NFU1: variants seen among roughly 807,000 people sequenced by gnomAD.
NFU1 encodes NFU1 iron-sulfur cluster scaffold, also known as NFU1 iron-sulfur cluster scaffold homolog, mitochondrial.
In NFU1, 30 loss-of-function variants were observed where a neutral mutation model predicts 32.2. The ratio of observed to expected loss-of-function variants is 0.93; its 90% CI spans 0.70 to 1.26. The LOEUF is 1.26. Ranked by LOEUF, NFU1 falls within the 50% of genes most tolerant of loss-of-function variation. The pLI is 0.00. For missense variants in NFU1, 306 were observed against 306.6 expected, an observed-to-expected ratio of 1.00 and a Z score of 0.02; for synonymous variants, 112 against 104.6, an observed-to-expected ratio of 1.07 and a Z score of -0.43.
chr2:69,406,902 T>C (rs979650969), intron 5 of NFU1, among the ~76,000 whole-genome samples: 1 of 152,186 alleles, frequency 6.6e-6, no homozygotes, highest in East Asian at 1.9e-4. Flanking sequence ...ACCCTCATGC[T>C]GTTCTCGTGA....
chr2:69,402,911 G>GA (rs1320240182), intron 6 of NFU1, among the ~76,000 whole-genome samples: 130 of 142,842 alleles, frequency 9.1e-4, no homozygotes, highest in Middle Eastern at 3.6e-3. Flanking sequence ...TCCCGTTGGG[G>GA]AAAAAAAAAA....
intron 2 of NFU1, among the ~76,000 whole-genome samples, chr2:69,427,093 A>T (rs1673483622): frequency 6.7e-6 from 1 of 149,578 alleles, no homozygotes. Context: ...AGAAAAGAAA[A>T]TGAATTTTCT....
rs770281955 is a variant in NFU1 at position 69,415,219 on chromosome 2, G to T, written c.450C>A (p.Pro150=). Residue 150 remains proline (P), a synonymous_variant, in exon 5 of 8, where the codon CCC becomes CCA. Coordinates refer to ENST00000410022, the MANE Select transcript of NFU1 (RefSeq NM_001002755.4). ...TIMDFFASGL[P]LVTEETPSGE... ...CTGAAGGTGTTTCCTCAGTAACCAGGGGTAAGCCAGATGCAAAGAAGTCCA... is the reference window on the plus strand; with the variant it reads ...CTGAAGGTGTTTCCTCAGTAACCAGTGGTAAGCCAGATGCAAAGAAGTCCA... 3 of 1,611,634 alleles carry T rather than the reference G, an allele frequency of 1.9e-6. No individual in the cohort carries two copies. Among genetic ancestry groups the T allele is most frequent in the Non-Finnish European group, 8.5e-7 (1 of 1,177,934 alleles).
At chr2:69,409,766 C>T (rs1672817126) in intron 5 of NFU1, among the ~76,000 whole-genome samples, 1 of 152,084 alleles carries the variant, frequency 6.6e-6, no homozygotes, top group South Asian at 2.1e-4. Context: ...GAACTCACTC[C>T]CCTCCCCTCA....
intron 3 of NFU1, among the ~76,000 whole-genome samples, chr2:69,420,676 G>C (rs375401007): frequency 4.6e-5 from 7 of 152,052 alleles, no homozygotes; most frequent in African/African-American, 1.7e-4. Flanking sequence ...ACGTATCTTG[G>C]GCACATGTGC....
chr2:69,437,350 T>G lies in NFU1; in HGVS notation c.62+11A>C. 6.2e-7 allele frequency: 1 copy of G among 1,605,592 alleles called. No homozygotes were observed. Among genetic ancestry groups the G allele is most frequent in the South Asian group, 1.1e-5 (1 of 90,358 alleles). ...GGCACACCTATTCGGAGCTCCAGGC[T>G]CGTCACCTACCGCCTGCGCAGCCCG... On this transcript the variant is annotated intron_variant, in intron 1 of 7. Coordinates refer to ENST00000410022, the MANE Select transcript of NFU1 (RefSeq NM_001002755.4).
chr2:69,408,800 T>C (rs1223627993), intron 5 of NFU1, among the ~76,000 whole-genome samples: 2 of 147,524 alleles, frequency 1.4e-5, no homozygotes, highest in East Asian at 2.0e-4. Context: ...CAATGTACTA[T>C]TGCAATTATA....
chr2:69,410,531 G>C (rs1672845262), intron 5 of NFU1, among the ~76,000 whole-genome samples: 1 of 152,162 alleles, frequency 6.6e-6, no homozygotes, highest in South Asian at 2.1e-4. Flanking sequence ...ACCATTCAGT[G>C]CCTCAGTTTT....
chr2:69,422,172 G>A (rs376243156), intron 3 of NFU1, among the ~76,000 whole-genome samples: 40 of 152,190 alleles, frequency 2.6e-4, no homozygotes, highest in African/African-American at 9.4e-4. Context: ...AGAGGGGAGG[G>A]CACAGGCAGA....
intron 1 of NFU1, among the ~76,000 whole-genome samples, chr2:69,436,773 C>G (rs913815529): frequency 6.6e-6 from 1 of 150,606 alleles, no homozygotes; most frequent in African/African-American, 2.4e-5. Flanking sequence ...AAAGGTGAAA[C>G]TCAAAGGTAG....
chr2:69,439,536 C>T (rs536944243), upstream of NFU1, among the ~76,000 whole-genome samples: 2 of 152,324 alleles, frequency 1.3e-5, no homozygotes, highest in African/African-American at 4.8e-5. Context: ...ACAAAGCTTT[C>T]ATAACATGGA....
At chr2:69,439,134 C>G (rs1404309105), upstream of NFU1, among the ~76,000 whole-genome samples, 7 of 152,086 alleles carry the variant, frequency 4.6e-5, no homozygotes, top group African/African-American at 1.7e-4. Context: ...AAAAAATGGT[C>G]TGCACTCTTA....
At chr2:69,439,327 A>G (rs1431114056), upstream of NFU1, among the ~76,000 whole-genome samples, 1 of 152,118 alleles carries the variant, frequency 6.6e-6, no homozygotes, top group African/African-American at 2.4e-5. Context: ...TGAGTGTTAC[A>G]GTTCTTAAAG....
intron 6 of NFU1, among the ~76,000 whole-genome samples, chr2:69,400,799 T>A (rs1276380206): frequency 1.3e-5 from 2 of 152,130 alleles, no homozygotes; most frequent in African/African-American, 4.8e-5. Context: ...TAATATCTTT[T>A]TAAGGCTGGG....
At chr2:69,396,384 C>T (rs754355443) in intron 7 of NFU1, 94 bp from the exon 8 acceptor site, 6 of 851,160 alleles carry the variant, frequency 7.0e-6, no homozygotes, top group Non-Finnish European at 1.2e-5. Context: ...ACCTGATACA[C>T]TCTATAATGA....
At chr2:69,434,915 G>T (rs1444233318) in intron 1 of NFU1, among the ~76,000 whole-genome samples, 2 of 152,192 alleles carry the variant, frequency 1.3e-5, no homozygotes, top group Non-Finnish European at 2.9e-5. Context: ...AATCATAGGG[G>T]TGCGGAAAAT....
chr2:69,417,538 G>A (rs1246848447), intron 4 of NFU1, among the ~76,000 whole-genome samples: 3 of 151,694 alleles, frequency 2.0e-5, no homozygotes, highest in Admixed American at 6.6e-5. Flanking sequence ...TGTAGTCCCA[G>A]CTACTCGGGA....
chr2:69,415,137 A>C, intron 5 of NFU1, 48 bp downstream of exon 5: 1 of 992,168 alleles, frequency 1.0e-6, no homozygotes, highest in Non-Finnish European at 1.6e-6. Flanking sequence ...AGAAAATAGA[A>C]AAGTCTAAAA....
At chr2:69,431,827 T>C in intron 2 of NFU1, 75 bp downstream of exon 2, 1 of 929,260 alleles carries the variant, frequency 1.1e-6, no homozygotes, top group Non-Finnish European at 1.8e-6. Flanking sequence ...TTCTCATCTT[T>C]TATGATCCAC....
Sources: gnomAD v4.1 joint callset for allele counts (sites outside exome capture counted in the v4.1 genomes callset) on GRCh38, gnomAD v4.1.1 for gene constraint, MANE v1.5 for transcripts, NCBI Gene and HGNC (gene_info 2026-07-23, HGNC 2026-07-21) for gene names.